ATP2B1: variants seen among roughly 807,000 people sequenced by gnomAD.
The protein encoded by ATP2B1 is ATPase plasma membrane Ca2+ transporting 1.
A neutral mutation model predicts 124.2 loss-of-function variants in ATP2B1; 14 were observed. That is an observed-to-expected ratio of 0.11 (90% confidence interval 0.07 to 0.18). The LOEUF (loss-of-function observed/expected upper bound fraction) is 0.18. ATP2B1 is among the 10% of genes least tolerant of loss of function. The pLI is 1.00. For synonymous variants in ATP2B1, 449 were observed against 492.4 expected (o/e 0.91, Z 1.17); for missense variants, 763 against 1,466.1 (o/e 0.52, Z 7.83).
At chr12:89,606,537 G>A (rs1273575983) in intron 15 of ATP2B1, among the ~76,000 whole-genome samples, 2 of 150,084 alleles carry the variant, frequency 1.3e-5, no homozygotes, top group African/African-American at 2.5e-5. Flanking sequence ...TTAGTCTCCA[G>A]CTCCCAATGT....
At chr12:89,633,875 T>C (rs867653608) in intron 5 of ATP2B1, among the ~76,000 whole-genome samples, 2 of 152,140 alleles carry the variant, frequency 1.3e-5, no homozygotes, top group African/African-American at 2.4e-5. Flanking sequence ...ATCTGACAAG[T>C]ACAGTTCTGA....
chr12:89,633,480 AT>A (rs11301314), intron 5 of ATP2B1, among the ~76,000 whole-genome samples: 137,058 of 144,726 alleles, frequency 0.95, 64,889 homozygotes, highest in East Asian at 0.98. Context: ...ACATCTCAAG[AT>A]TTTTTTTTTT....
intron 2 of ATP2B1, among the ~76,000 whole-genome samples, chr12:89,644,004 C>T (rs1278838743): frequency 6.6e-6 from 1 of 152,116 alleles, no homozygotes; most frequent in Non-Finnish European, 1.5e-5. Context: ...TTCCTGTAAT[C>T]CCAGCTACTC....
intron 7 of ATP2B1, among the ~76,000 whole-genome samples, chr12:89,627,396 CAA>C (rs59737003): frequency 5.6e-4 from 51 of 91,214 alleles, no homozygotes; most frequent in Middle Eastern, 6.3e-3. Flanking sequence ...TTCCAAAATC[CAA>C]AAAAAAAAAA....
At chr12:89,616,508 G>A (rs979792879) in intron 12 of ATP2B1, among the ~76,000 whole-genome samples, 3 of 151,950 alleles carry the variant, frequency 2.0e-5, no homozygotes, top group East Asian at 1.9e-4. Flanking sequence ...ACAAATAATG[G>A]CACCTATTAT....
chr12:89,646,402 T>C (rs1021910275), intron 2 of ATP2B1, among the ~76,000 whole-genome samples: 12 of 152,140 alleles, frequency 7.9e-5, no homozygotes, highest in African/African-American at 2.9e-4. Context: ...GCTACAGCGT[T>C]GGAGCACCCA....
At chr12:89,679,564 A>C (rs1345706874) in intron 1 of ATP2B1, among the ~76,000 whole-genome samples, 1 of 152,178 alleles carries the variant, frequency 6.6e-6, no homozygotes, top group African/African-American at 2.4e-5. Flanking sequence ...ATAAAACCAT[A>C]GGTAGCCTCC....
At chr12:89,610,212 G>A (rs1177949350) in intron 14 of ATP2B1, among the ~76,000 whole-genome samples, 169 bp from the exon 15 acceptor site, 3 of 152,138 alleles carry the variant, frequency 2.0e-5, no homozygotes, top group African/African-American at 7.2e-5. Context: ...GAAACTATGG[G>A]TATATTCAGA....
intron 1 of ATP2B1, among the ~76,000 whole-genome samples, chr12:89,685,452 T>A (rs1234068329): frequency 2.0e-5 from 3 of 152,062 alleles, no homozygotes; most frequent in African/African-American, 7.2e-5. Flanking sequence ...TTCAACAACT[T>A]CTTTCAATCC....
chr12:89,652,579 A>G (rs1233322342), intron 2 of ATP2B1, among the ~76,000 whole-genome samples: 1 of 152,200 alleles, frequency 6.6e-6, no homozygotes, highest in African/African-American at 2.4e-5. Flanking sequence ...ATTTCCTTGG[A>G]CGTACAAACT....
intron 1 of ATP2B1, among the ~76,000 whole-genome samples, chr12:89,708,333 C>T (rs186100837): frequency 2.0e-5 from 3 of 152,308 alleles, no homozygotes; most frequent in African/African-American, 7.2e-5. Context: ...ATCCCTCGGG[C>T]CCGGAGCAGC....
rs1882604096 is a variant in ATP2B1, at chr12:89,635,829, C to G, written c.407-578G>C. Among the ~76,000 whole-genome samples the G allele has an allele frequency of 2.0e-5, 3 of 152,254 alleles. No individual in the cohort carries two copies. In the South Asian group the frequency reaches 6.2e-4, roughly 32 times the overall value. On this transcript the variant is annotated intron_variant, in intron 3 of 20. Coordinates refer to ENST00000428670, the MANE Select transcript of ATP2B1 (RefSeq NM_001366521.1). ...ACATGAAAAGTTAAGCAAACTGCTACTTGTTATTCCAACCATTTGAGCACA... is the reference window on the plus strand; with the variant it reads ...ACATGAAAAGTTAAGCAAACTGCTAGTTGTTATTCCAACCATTTGAGCACA...
chr12:89,598,579 C>T, intron 20 of ATP2B1: 1 of 1,610,496 alleles, frequency 6.2e-7, no homozygotes, highest in South Asian at 1.1e-5. Context: ...CACTTAGGAA[C>T]ACACACTCAC....
intron 20 of ATP2B1, chr12:89,598,698 C>G: frequency 1.9e-6 from 3 of 1,614,002 alleles, no homozygotes. Flanking sequence ...CGCCTTAGAG[C>G]CCCCTGAATG....
rs533016547 is a variant in ATP2B1, at chr12:89,614,402, T to C, written c.2067+2400A>G. Reference sequence around the variant, plus strand: ...TTTGAATGATTCTCCTGTGACCACATGGCAAACATTACCCACCTGGCTATT... The same window carrying C: ...TTTGAATGATTCTCCTGTGACCACACGGCAAACATTACCCACCTGGCTATT... On this transcript the variant is annotated intron_variant, in intron 12 of 20. Coordinates refer to ENST00000428670, the MANE Select transcript of ATP2B1 (RefSeq NM_001366521.1). 6.6e-5 allele frequency among the ~76,000 whole-genome samples: 10 copies of C among 152,258 alleles called. No individual in the cohort carries two copies. The East Asian group carries it at 1.9e-3, about 29-fold the overall frequency.
chr12:89,692,587 A>C (rs1431036698), intron 1 of ATP2B1, among the ~76,000 whole-genome samples: 1 of 152,234 alleles, frequency 6.6e-6, no homozygotes, highest in African/African-American at 2.4e-5. Flanking sequence ...AGTATACAAT[A>C]ATCATACAAA....
At position 89,634,762 on chromosome 12, in the gene ATP2B1, T is replaced by C. The variant is rs1407579929; in HGVS notation, c.787+16A>G. On this transcript the variant is annotated intron_variant, in intron 5 of 20. Coordinates refer to ENST00000428670, the MANE Select transcript of ATP2B1 (RefSeq NM_001366521.1). ...CGAAAGAGGAAAGTGTTCAAAGATA[T>C]AAATGAAATTTTTACCTGATAGAAG... is the stretch of plus-strand genomic sequence containing the variant. 1 of 1,569,558 alleles carries C rather than the reference T, an allele frequency of 6.4e-7. No homozygotes were observed. Among genetic ancestry groups the C allele is most frequent in the Non-Finnish European group, 8.6e-7 (1 of 1,160,600 alleles).
At chr12:89,652,428 A>C (rs959932544) in intron 2 of ATP2B1, among the ~76,000 whole-genome samples, 13 of 152,342 alleles carry the variant, frequency 8.5e-5, no homozygotes, top group African/African-American at 3.1e-4. Context: ...TGAATCAATA[A>C]ATGAATGAAC....
intron 10 of ATP2B1, among the ~76,000 whole-genome samples, chr12:89,621,246 CT>C (rs1461786264): frequency 2.0e-5 from 3 of 151,980 alleles, no homozygotes; most frequent in Non-Finnish European, 4.4e-5. Flanking sequence ...ACAGTTTGAT[CT>C]TTCTCAAAAA....
Sources: allele counts gnomAD v4.1 joint callset (sites outside exome capture counted in the v4.1 genomes callset), GRCh38; gene constraint gnomAD v4.1.1; transcripts MANE v1.5; gene names NCBI Gene and HGNC (gene_info 2026-07-23, HGNC 2026-07-21).